Variants in SMG6 observed in about 807,000 individuals in gnomAD.
SMG6 encodes the protein SMG6 nonsense mediated mRNA decay factor.
Under a neutral mutation model 142.2 loss-of-function variants are expected in SMG6, and 66 were observed. The observed-to-expected ratio is 0.46, with a 90% CI of 0.38 to 0.57. The LOEUF (loss-of-function observed/expected upper bound fraction) is 0.57. SMG6 is among the 20% of genes least tolerant of loss of function. The probability of loss-of-function intolerance (pLI) is 0.00; values close to 1 mark genes in which losing one functional copy is unlikely to be tolerated. For missense variants in SMG6, 1,793 were observed against 1,832.0 expected, an observed-to-expected ratio of 0.98 and a Z score of 0.39; for synonymous variants, 779 against 702.4, an observed-to-expected ratio of 1.11 and a Z score of -1.72.
chr17:2,265,757 T>C (rs900181254), intron 8 of SMG6, among the ~76,000 whole-genome samples: 16 of 152,242 alleles, frequency 1.1e-4, no homozygotes, highest in Admixed American at 6.5e-4. Flanking sequence ...CATAGGCCAC[T>C]GGCAATATTT....
At chr17:2,283,393 TCA>T (rs921923584) in intron 7 of SMG6, among the ~76,000 whole-genome samples, 56 of 152,228 alleles carry the variant, frequency 3.7e-4, no homozygotes, top group Non-Finnish European at 2.1e-4. Context: ...CTCCTGAAGA[TCA>T]CAGTTTTGTT....
At chr17:2,151,926 G>GA (rs1361561462) in intron 13 of SMG6, among the ~76,000 whole-genome samples, 5 of 152,148 alleles carry the variant, frequency 3.3e-5, no homozygotes, top group African/African-American at 1.2e-4. Context: ...TGGTTGTTTG[G>GA]AAAAGAGTCC....
chr17:2,065,146 G>A lies in SMG6; in HGVS notation c.4056C>T (p.Asn1352=), dbSNP rs199749824. 1.7e-5 allele frequency: 27 copies of A among 1,613,478 alleles called. No individual in the cohort carries two copies. The highest frequency in any genetic ancestry group is 4.4e-5 in the South Asian group (4 of 91,064). ...GGCAGCAGGACAGGATGAGATCATC[G>A]TTGTTACCCTGGAGGAAGACGTGTG... ...SEDITGQLGN[N]DDLILSCCLH... is the part of the protein sequence containing the mutation. Residue 1352 remains asparagine, a synonymous_variant, in exon 18 of 19, where the codon AAC becomes AAT. Coordinates refer to ENST00000263073, the MANE Select transcript of SMG6 (RefSeq NM_017575.5).
chr17:2,228,473 C>T (rs956941279), intron 10 of SMG6, among the ~76,000 whole-genome samples: 5 of 152,038 alleles, frequency 3.3e-5, no homozygotes, highest in African/African-American at 1.2e-4. Context: ...ATGATCCACC[C>T]GCCTCAGCCT....
intron 13 of SMG6, among the ~76,000 whole-genome samples, chr17:2,163,447 T>C (rs141270947): frequency 0.019 from 2,897 of 152,296 alleles, 54 homozygotes; most frequent in South Asian, 0.066. Context: ...CCCAAAGTGC[T>C]GTGATTAGAG....
At position 2,299,037 on chromosome 17, in the gene SMG6, G is replaced by A; in HGVS notation, c.1716C>T (p.His572=). 6.2e-7 allele frequency: 1 copy of A among 1,614,184 alleles called. No homozygotes were observed. Residue 572 remains histidine, a synonymous_variant, in exon 2 of 19, where the codon CAC becomes CAT. Coordinates refer to ENST00000263073, the MANE Select transcript of SMG6 (RefSeq NM_017575.5). The surrounding 1 kb of genome is among the most constrained non-coding windows in gnomAD (Gnocchi z 4.3). ...STMSPEEVEQ[H]MRNLQQQELH... ...GCTCCTGTTGCTGCAGGTTCCTCAT[G>A]TGCTGCTCTACCTCCTCGGGACTCA...
At chr17:2,303,264 G>A (rs2075325784) in intron 1 of SMG6, 1 of 1,056,444 alleles carries the variant, frequency 9.5e-7, no homozygotes, top group African/African-American at 1.7e-5. Flanking sequence ...GCGGAGGGCG[G>A]CCTGGAGAGC....
At chr17:2,149,607 A>G (rs1046676679) in intron 13 of SMG6, among the ~76,000 whole-genome samples, 1 of 152,168 alleles carries the variant, frequency 6.6e-6, no homozygotes, top group Admixed American at 6.5e-5. Flanking sequence ...GCAAAAAGCA[A>G]TCTAGGCAGG....
At chr17:2,111,688 G>T (rs1013547490) in intron 13 of SMG6, among the ~76,000 whole-genome samples, 2 of 152,190 alleles carry the variant, frequency 1.3e-5, no homozygotes, top group Non-Finnish European at 2.9e-5. Context: ...ACAGGCATGA[G>T]CTACTGTGCC....
chr17:2,234,410 C>T (rs972356172), intron 10 of SMG6, among the ~76,000 whole-genome samples: 3 of 151,452 alleles, frequency 2.0e-5, no homozygotes, highest in African/African-American at 7.3e-5. Context: ...TACAGGTGCC[C>T]ACCACCAAGC....
At chr17:2,136,575 C>A (rs1171221889) in intron 13 of SMG6, among the ~76,000 whole-genome samples, 1 of 152,106 alleles carries the variant, frequency 6.6e-6, no homozygotes, top group Non-Finnish European at 1.5e-5. Context: ...GGAATAGACA[C>A]ATATGTTCAA....
At chr17:2,172,344 T>G (rs572780529) in intron 13 of SMG6, among the ~76,000 whole-genome samples, 1 of 152,192 alleles carries the variant, frequency 6.6e-6, no homozygotes, top group South Asian at 2.1e-4. Flanking sequence ...GAGGGTGCTT[T>G]AAGCATGATG....
At chr17:2,204,898 A>T (rs1362831849) in intron 10 of SMG6, among the ~76,000 whole-genome samples, 8 of 152,070 alleles carry the variant, frequency 5.3e-5, no homozygotes, top group Non-Finnish European at 2.9e-5. Context: ...GGGAGGCAAA[A>T]GTTGCAGTGA....
At chr17:2,101,542 A>G (rs1262107113) in intron 13 of SMG6, 1 of 152,258 alleles carries the variant, frequency 6.6e-6, no homozygotes, top group Non-Finnish European at 1.5e-5. Flanking sequence ...TAAGATCCAA[A>G]GCCAGATAAA....
chr17:2,079,401 G>A (rs12941481), intron 15 of SMG6, among the ~76,000 whole-genome samples: 2 of 152,240 alleles, frequency 1.3e-5, no homozygotes, highest in Admixed American at 6.5e-5. Context: ...TCGGGAGGCC[G>A]TGGCGGGCAG....
At chr17:2,142,085 C>T (rs2070497823) in intron 13 of SMG6, among the ~76,000 whole-genome samples, 1 of 151,496 alleles carries the variant, frequency 6.6e-6, no homozygotes, top group Non-Finnish European at 1.5e-5. Context: ...GGCTGGACTC[C>T]AATGCCTGGG....
chr17:2,194,334 T>C (rs1258192353), intron 10 of SMG6, among the ~76,000 whole-genome samples: 3 of 152,168 alleles, frequency 2.0e-5, no homozygotes, highest in African/African-American at 4.8e-5. Flanking sequence ...AAGATTAATC[T>C]AGCTAAAGCA....
chr17:2,197,143 T>C (rs2072355678), intron 10 of SMG6, among the ~76,000 whole-genome samples: 2 of 152,164 alleles, frequency 1.3e-5, no homozygotes. Context: ...CTGGATTTCA[T>C]AAAAATTAAA....
chr17:2,096,632 C>T (rs758780568), intron 13 of SMG6, among the ~76,000 whole-genome samples: 2 of 152,150 alleles, frequency 1.3e-5, no homozygotes, highest in East Asian at 1.9e-4. Context: ...AGGTGTGAGC[C>T]GCCCATCCCA....
Sources: allele counts gnomAD v4.1 joint callset (sites outside exome capture counted in the v4.1 genomes callset), GRCh38; gene constraint gnomAD v4.1.1; non-coding constraint Gnocchi (gnomAD v3.1); transcripts MANE v1.5; gene names NCBI Gene and HGNC (gene_info 2026-07-23, HGNC 2026-07-21).